Variants in KLHL14 observed in about 807,000 individuals in gnomAD.
KLHL14 encodes kelch-like protein 14.
A neutral mutation model predicts 64.3 loss-of-function variants in KLHL14; 22 were observed. The observed-to-expected ratio is 0.34, with a 90% confidence interval of 0.24 to 0.49. The LOEUF (loss-of-function observed/expected upper bound fraction) is 0.49, where lower values mean the gene tolerates loss of function less well. KLHL14 is among the 20% of genes least tolerant of loss of function. The probability of loss-of-function intolerance (pLI) is 0.99; values close to 1 mark genes in which losing one functional copy is unlikely to be tolerated. For missense variants in KLHL14, 661 were observed against 789.0 expected, an observed-to-expected ratio of 0.84 and a Z score of 1.94; for synonymous variants, 322 against 333.4, an observed-to-expected ratio of 0.97 and a Z score of 0.37.
chr18:32,724,419 G>C (rs2050095960), intron 3 of KLHL14, among the ~76,000 whole-genome samples: 1 of 152,186 alleles, frequency 6.6e-6, no homozygotes. Flanking sequence ...TTACCCTAGA[G>C]AGCCCTCAAT....
intron 3 of KLHL14, among the ~76,000 whole-genome samples, chr18:32,728,250 AAT>A: frequency 6.6e-6 from 1 of 152,286 alleles, no homozygotes; most frequent in East Asian, 1.9e-4. Context: ...TAACTACAGT[AAT>A]GAGAAATAGC....
intron 2 of KLHL14, among the ~76,000 whole-genome samples, chr18:32,747,395 G>A (rs1456109502): frequency 6.6e-6 from 1 of 152,156 alleles, no homozygotes; most frequent in African/African-American, 2.4e-5. Context: ...TGGGAGCCCT[G>A]AGCTTGTTTT....
rs751988868 is a variant in KLHL14, at chr18:32,680,349, A to G, written c.1430-22T>C. ...CCCCCTGTGAAATAAACATAGACATACAAGTCAAGAGAGTGCTTTGGAACT... is the reference window on the plus strand; with the variant it reads ...CCCCCTGTGAAATAAACATAGACATGCAAGTCAAGAGAGTGCTTTGGAACT... On this transcript the variant is annotated intron_variant, in intron 6 of 8. Coordinates refer to ENST00000359358, the MANE Select transcript of KLHL14 (RefSeq NM_020805.3). This position sits in a 1 kb window ranked among gnomAD's most constrained non-coding sequence, Gnocchi z 4.8. The G allele has an allele frequency of 1.2e-6, 2 of 1,613,634 alleles. No individual in the cohort carries two copies. The highest frequency in any genetic ancestry group is 1.7e-6 in the Non-Finnish European group (2 of 1,179,598).
chr18:32,765,023 A>G lies in KLHL14; in HGVS notation c.947+4622T>C, dbSNP rs1430377830. On this transcript the variant is annotated intron_variant, in intron 2 of 8. Transcript: ENST00000359358. ...AGCATTTGGGGAGTGATAGTAAAAA[A>G]CAGCACACTGTGAATGACAACACAG... 2.0e-5 allele frequency among the ~76,000 whole-genome samples: 3 copies of G among 152,262 alleles called. No individual in the cohort carries two copies. The East Asian group carries it at 5.8e-4, about 29-fold the overall frequency.
chr18:32,737,138 C>T (rs1217915239), intron 3 of KLHL14, among the ~76,000 whole-genome samples: 1 of 152,088 alleles, frequency 6.6e-6, no homozygotes, highest in Non-Finnish European at 1.5e-5. Context: ...ATGAGAAACA[C>T]ACTATCTATG....
intron 8 of KLHL14, among the ~76,000 whole-genome samples, chr18:32,675,287 A>G (rs559751388): frequency 1.3e-5 from 2 of 152,282 alleles, no homozygotes; most frequent in East Asian, 1.9e-4. Flanking sequence ...CGTGGTTACA[A>G]TGAGCTCTGA....
intron 2 of KLHL14, among the ~76,000 whole-genome samples, chr18:32,764,479 T>G (rs2050330338): frequency 6.6e-6 from 1 of 150,554 alleles, no homozygotes; most frequent in African/African-American, 2.4e-5. Flanking sequence ...AAGGGCAAAT[T>G]GTTTTTGTCC....
chr18:32,745,598 T>C (rs2050220326), intron 2 of KLHL14: 1 of 152,250 alleles, frequency 6.6e-6, no homozygotes, highest in Admixed American at 6.5e-5. Flanking sequence ...ACATTTCTTA[T>C]TGCTTAAGAA....
Position 32,695,549 on chromosome 18 carries a change from A to G in KLHL14, c.1073T>C (p.Met358Thr). 2 of 1,583,910 alleles carry G rather than the reference A, an allele frequency of 1.3e-6. No individual in the cohort carries two copies. Among genetic ancestry groups the G allele is most frequent in the Non-Finnish European group, 1.7e-6 (2 of 1,161,714 alleles). The part of the protein sequence containing the change: ...EKKTWKILTI[M>T]PYNSAHHCVV... ...GCAGTGGTGGGCACTGTTGTATGGC[A>G]TAACTGAAATTAAGAAAAAAAAAAA... The change falls in exon 4 of 9, where the codon ATG becomes ACG. Residue 358 changes from methionine (M) to threonine (T), a missense_variant. Physicochemically the swap from Met to Thr is moderately conservative, Grantham distance 81 (BLOSUM62 -1). Around this residue, in one of 2 missense-constraint regions of KLHL14, gnomAD observed 330 missense variants for 450.0 expected, o/e 0.73. Transcript: ENST00000359358.
chr18:32,684,355 C>T (rs1387785742), intron 5 of KLHL14, among the ~76,000 whole-genome samples: 1 of 152,186 alleles, frequency 6.6e-6, no homozygotes, highest in Non-Finnish European at 1.5e-5. Context: ...AGGTGTTCTG[C>T]ACTTTTTCTC....
chr18:32,679,226 A>G (rs1980035), intron 7 of KLHL14, among the ~76,000 whole-genome samples: 40,442 of 151,934 alleles, frequency 0.27, 5,437 homozygotes, highest in African/African-American at 0.31. Flanking sequence ...TTCAGGCTTT[A>G]TTTCATCTAC....
intron 2 of KLHL14, among the ~76,000 whole-genome samples, chr18:32,747,515 C>T (rs1180814417): frequency 2.0e-5 from 3 of 152,204 alleles, no homozygotes; most frequent in East Asian, 1.9e-4. Flanking sequence ...GTGCAATTCA[C>T]GTAGGGTTTG....
At chr18:32,752,997 CT>C (rs2050264329) in intron 2 of KLHL14, among the ~76,000 whole-genome samples, 1 of 108,754 alleles carries the variant, frequency 9.2e-6, no homozygotes. Flanking sequence ...GTGTGTGTGT[CT>C]TTTAAGCTTT....
At position 32,741,992 on chromosome 18, in the gene KLHL14, G is replaced by A. The variant is rs762938563; in HGVS notation, c.1005C>T (p.Asp335=). The change falls in exon 3 of 9, where the codon GAC becomes GAT. Residue 335 remains aspartate, a synonymous_variant. Coordinates refer to ENST00000359358, the MANE Select transcript of KLHL14 (RefSeq NM_020805.3). ...LLVGGLPPGP[D]RLPSNLVQYY... ...ACTGAACCAAATTGCTGGGGAGCCG[G>A]TCCGGTCCAGGAGGCAGCCCTCCAA... The A allele has an allele frequency of 1.9e-6, 3 of 1,612,950 alleles. No individual in the cohort carries two copies. Among genetic ancestry groups the A allele is most frequent in the Non-Finnish European group, 2.5e-6 (3 of 1,179,732 alleles).
intron 3 of KLHL14, among the ~76,000 whole-genome samples, chr18:32,699,100 A>G (rs2049950438): frequency 6.6e-6 from 1 of 152,116 alleles, no homozygotes; most frequent in Non-Finnish European, 1.5e-5. Flanking sequence ...TACAAATCTC[A>G]GTTACACAGT....
rs1389645766 is a variant in KLHL14 at position 32,730,948 on chromosome 18, G to A, written c.1069+10980C>T. Among the ~76,000 whole-genome samples, 4 of 152,146 alleles carry A rather than the reference G, an allele frequency of 2.6e-5. No homozygotes were observed. In the East Asian group the frequency reaches 5.8e-4, roughly 22 times the overall value. On this transcript the variant is annotated intron_variant, in intron 3 of 8. Transcript: ENST00000359358. ...TCTGCCTTGACAACCAGACACAGAG[G>A]TATGAAAGTGTCTGCTCAGCACTCC... is the stretch of plus-strand genomic sequence containing the variant.
chr18:32,688,688 C>A lies in KLHL14; in HGVS notation c.1160-1455G>T, dbSNP rs562251874. On this transcript the variant is annotated intron_variant, in intron 4 of 8. Coordinates refer to ENST00000359358, the MANE Select transcript of KLHL14 (RefSeq NM_020805.3). Reference sequence around the variant, plus strand: ...CAGAGGTCAGAAAGGGGTCAAGGGCCAGAACATAGTGTGCCTTGTGGGCTG... The same window carrying A: ...CAGAGGTCAGAAAGGGGTCAAGGGCAAGAACATAGTGTGCCTTGTGGGCTG... Among the ~76,000 whole-genome samples, 10 of 152,280 alleles carry A rather than the reference C, an allele frequency of 6.6e-5. No homozygotes were observed. The East Asian group carries it at 1.9e-3, about 29-fold the overall frequency.
At chr18:32,734,062 C>G in intron 3 of KLHL14, 1 of 658,034 alleles carries the variant, frequency 1.5e-6, no homozygotes, top group East Asian at 2.7e-5. Context: ...TTTGGGTAAT[C>G]TCCCCTTGGA....
At chr18:32,768,779 C>T (rs2050360773) in intron 2 of KLHL14, among the ~76,000 whole-genome samples, 1 of 152,142 alleles carries the variant, frequency 6.6e-6, no homozygotes, top group Non-Finnish European at 1.5e-5. Flanking sequence ...ATCCTACTTG[C>T]AACACACACA....
Sources: gnomAD v4.1 joint callset for allele counts (sites outside exome capture counted in the v4.1 genomes callset) on GRCh38, gnomAD v4.1.1 for gene constraint, gnomAD v4.1.1 regional missense constraint, Gnocchi (gnomAD v3.1) non-coding constraint, MANE v1.5 for transcripts, NCBI Gene and HGNC (gene_info 2026-07-23, HGNC 2026-07-21) for gene names.